The following KIAA0825 variants were observed in gnomAD, a reference collection of about 807,000 sequenced individuals.
KIAA0825 encodes KIAA0825.
A neutral mutation model predicts 147.6 loss-of-function variants in KIAA0825; 119 were observed. The observed-to-expected ratio is 0.81, with a 90% CI of 0.69 to 0.94. The LOEUF (loss-of-function observed/expected upper bound fraction) is 0.94, where lower values mean the gene tolerates loss of function less well. Among genes scored for constraint, KIAA0825 ranks in the 40% least tolerant of loss-of-function variants. The pLI is 0.00. For missense variants in KIAA0825, 1,381 were observed against 1,472.7 expected (o/e 0.94, Z 1.02); for synonymous variants, 470 against 518.1 (o/e 0.91, Z 1.26).
intron 20 of KIAA0825, among the ~76,000 whole-genome samples, chr5:94,248,748 G>A: frequency 6.6e-6 from 1 of 152,112 alleles, no homozygotes; most frequent in Non-Finnish European, 1.5e-5. Flanking sequence ...ACAGCAGTGT[G>A]CACTGTGGTG....
intron 20 of KIAA0825, among the ~76,000 whole-genome samples, chr5:94,279,662 C>T (rs1030831765): frequency 6.6e-6 from 1 of 151,948 alleles, no homozygotes; most frequent in South Asian, 2.1e-4. Context: ...TTCTTTCTTC[C>T]TTCCTTTCCA....
chr5:94,169,842 A>G (rs571989528), intron 20 of KIAA0825, among the ~76,000 whole-genome samples: 4 of 152,276 alleles, frequency 2.6e-5, no homozygotes, highest in African/African-American at 7.2e-5. Context: ...AGTACTTTGC[A>G]TATATCAATT....
chr5:94,465,781 C>A (rs1176926989), intron 10 of KIAA0825, among the ~76,000 whole-genome samples: 1 of 152,202 alleles, frequency 6.6e-6, no homozygotes, highest in Admixed American at 6.5e-5. Flanking sequence ...CTGTACAGAT[C>A]TCTTCTGTGT....
At chr5:94,498,146 G>A (rs1329033136) in intron 5 of KIAA0825, among the ~76,000 whole-genome samples, 1 of 152,204 alleles carries the variant, frequency 6.6e-6, no homozygotes, top group East Asian at 1.9e-4. Context: ...GCTACCAGGT[G>A]TAATTTAAAC....
At chr5:94,459,468 C>T (rs1759543768) in intron 12 of KIAA0825, among the ~76,000 whole-genome samples, 2 of 152,046 alleles carry the variant, frequency 1.3e-5, no homozygotes, top group Non-Finnish European at 2.9e-5. Context: ...AAGCAAAGGC[C>T]TATTTTATTT....
intron 20 of KIAA0825, among the ~76,000 whole-genome samples, chr5:94,200,954 T>C (rs1407486954): frequency 1.8e-5 from 2 of 114,136 alleles, no homozygotes; most frequent in African/African-American, 3.8e-5. Flanking sequence ...AACATATATA[T>C]ATATATATAT....
At chr5:94,519,819 G>GT (rs1378497256) in intron 5 of KIAA0825, 1 of 744,076 alleles carries the variant, frequency 1.3e-6, no homozygotes, top group African/African-American at 1.9e-5. Flanking sequence ...ATACTTTTCT[G>GT]TTATGTATAT....
chr5:94,327,380 T>C (rs1379161198), intron 20 of KIAA0825, among the ~76,000 whole-genome samples: 1 of 152,144 alleles, frequency 6.6e-6, no homozygotes, highest in African/African-American at 2.4e-5. Context: ...TTAGATTTTA[T>C]TCTTATTCTA....
chr5:94,510,530 C>A (rs1011575533), intron 5 of KIAA0825, among the ~76,000 whole-genome samples: 6 of 152,080 alleles, frequency 3.9e-5, no homozygotes, highest in African/African-American at 4.8e-5. Context: ...ACTTACTTAC[C>A]CTACATCATT....
At chr5:94,381,824 T>A (rs2150513006) in intron 20 of KIAA0825, among the ~76,000 whole-genome samples, 1 of 151,760 alleles carries the variant, frequency 6.6e-6, no homozygotes, top group South Asian at 2.1e-4. Context: ...ATTTAGGGGG[T>A]GAGGGAGGTC....
At chr5:94,261,239 G>A (rs1354870618) in intron 20 of KIAA0825, among the ~76,000 whole-genome samples, 13 of 152,228 alleles carry the variant, frequency 8.5e-5, no homozygotes, top group Admixed American at 4.6e-4. Context: ...ACAGGTCAAG[G>A]CTGCAGTGAG....
rs1761223082 is a variant in KIAA0825 at position 94,471,631 on chromosome 5, G to A, written c.1556C>T (p.Ala519Val). 6.4e-7 allele frequency: 1 copy of A among 1,551,856 alleles called. No individual in the cohort carries two copies. The highest frequency in any genetic ancestry group is 1.7e-4 in the Middle Eastern group (1 of 6,012). ...GACAGCTGTTGCCACTTTACAACAG[G>A]CCTCCACCAAGTTTGCTCTAATTTC... is the stretch of plus-strand genomic sequence containing the variant. ...FQEIRANLVE[A>V]CCKVATAVLQ... The change falls in exon 9 of 21, where the codon GCC (alanine) becomes GTC (valine). Residue 519 changes from alanine to valine, a missense_variant. Transcript: ENST00000682413.
chr5:94,278,590 A>G lies in KIAA0825; in HGVS notation c.3710+105778T>C, dbSNP rs570891624. On this transcript the variant is annotated intron_variant, in intron 20 of 20. Transcript: ENST00000682413. Reference sequence around the variant, plus strand: ...GTATTGTTGAGTTAGCCTTTTTCTTAGTCAGGTACCCTGAGTTCAGAGCTC... The same window carrying G: ...GTATTGTTGAGTTAGCCTTTTTCTTGGTCAGGTACCCTGAGTTCAGAGCTC... 1.4e-4 allele frequency among the ~76,000 whole-genome samples: 21 copies of G among 152,226 alleles called. No homozygotes were observed. In the South Asian group the frequency reaches 2.7e-3, roughly 20 times the overall value.
At chr5:94,491,681 C>A (rs954223201) in intron 5 of KIAA0825, among the ~76,000 whole-genome samples, 1 of 152,132 alleles carries the variant, frequency 6.6e-6, no homozygotes, top group Non-Finnish European at 1.5e-5. Context: ...ATAACTTTTA[C>A]TTATTTTGAG....
At chr5:94,556,020 G>T (rs983105017) in intron 2 of KIAA0825, among the ~76,000 whole-genome samples, 1 of 151,660 alleles carries the variant, frequency 6.6e-6, no homozygotes, top group Non-Finnish European at 1.5e-5. Flanking sequence ...TATCAACTGG[G>T]AATAATAATA....
chr5:94,460,813 C>T (rs908940544), intron 12 of KIAA0825, among the ~76,000 whole-genome samples: 16 of 151,760 alleles, frequency 1.1e-4, no homozygotes, highest in African/African-American at 3.9e-4. Flanking sequence ...GATGTATAGT[C>T]TAGGAAAATA....
rs74418943 is a variant in KIAA0825 at position 94,276,275 on chromosome 5, T to C, written c.3710+108093A>G. ...TATCCTGCCTTGTGTTATTTATTGT[T>C]TTAAAGTTGCATTTGGCTTTATGGC... On this transcript the variant is annotated intron_variant, in intron 20 of 20. Transcript: ENST00000682413. 2.6e-3 allele frequency among the ~76,000 whole-genome samples: 399 copies of C among 152,296 alleles called. 2 individuals are homozygous for C. The highest frequency in any genetic ancestry group is 9.0e-3 in the African/African-American group (376 of 41,574).
At position 94,179,283 on chromosome 5, in the gene KIAA0825, C is replaced by G. The variant is rs144531691; in HGVS notation, c.3711-25159G>C. On this transcript the variant is annotated intron_variant, in intron 20 of 20. Transcript: ENST00000682413. ...GTGAACTTTTTTGTAGGAAAACAAC[C>G]GACAAATCAACCAGGATTTGGAGGA... is the stretch of plus-strand genomic sequence containing the variant. Among the ~76,000 whole-genome samples, 6 of 152,062 alleles carry G rather than the reference C, an allele frequency of 3.9e-5. No homozygotes were observed. In the East Asian group the frequency reaches 9.7e-4, roughly 24 times the overall value.
intron 1 of KIAA0825, among the ~76,000 whole-genome samples, chr5:94,610,542 T>C (rs192101007): frequency 1.8e-3 from 271 of 149,856 alleles, no homozygotes; most frequent in African/African-American, 5.8e-3. Context: ...GGCAGGCAGA[T>C]TGCCTGAGCT....
Sources: allele counts gnomAD v4.1 joint callset (sites outside exome capture counted in the v4.1 genomes callset), GRCh38; gene constraint gnomAD v4.1.1; transcripts MANE v1.5; gene names NCBI Gene and HGNC (gene_info 2026-07-23, HGNC 2026-07-21).